LONP2: variants seen among roughly 807,000 people sequenced by gnomAD.
LONP2 encodes the protein lon protease homolog 2, peroxisomal.
In LONP2, 60 loss-of-function variants were observed where a neutral mutation model predicts 85.6. That is an observed-to-expected ratio of 0.70 (90% confidence interval 0.57 to 0.87). The LOEUF is 0.87. Ranked by LOEUF, LONP2 falls within the 40% of genes least tolerant of loss-of-function variation. LONP2 has a pLI of 0.00. For synonymous variants in LONP2, 395 were observed against 389.7 expected (o/e 1.01, Z -0.16); for missense variants, 860 against 1,063.5 (o/e 0.81, Z 2.66).
chr16:48,336,309 T>C (rs1225443220), intron 12 of LONP2: 7 of 455,412 alleles, frequency 1.5e-5, no homozygotes, highest in African/African-American at 1.4e-4. Flanking sequence ...TTATTTTCCT[T>C]GTAGCATGTG....
chr16:48,336,326 A>G (rs929007145), intron 12 of LONP2: 6 of 456,124 alleles, frequency 1.3e-5, no homozygotes, highest in Non-Finnish European at 2.2e-5. Context: ...TGTGAGCTTT[A>G]ACATAGTAAC....
In LONP2 at chr16:48,270,161, T is replaced by C. The variant is rs759185053; in HGVS notation, c.1128T>C (p.Pro376=). 5.9e-5 allele frequency: 95 copies of C among 1,613,882 alleles called. No individual in the cohort carries two copies. The Middle Eastern group carries it at 8.2e-4, about 14-fold the overall frequency. Residue 376 remains proline, a synonymous_variant, in exon 7 of 15, where the codon CCT becomes CCC. Coordinates refer to ENST00000285737, the MANE Select transcript of LONP2 (RefSeq NM_031490.5). ...LKGPILCFVG[P]PGVGKTSVGR... ...GCCCAATCCTATGCTTTGTTGGCCCTCCTGGAGTTGGTAAAACAAGTGTGG... is the reference window on the plus strand; with the variant it reads ...GCCCAATCCTATGCTTTGTTGGCCCCCCTGGAGTTGGTAAAACAAGTGTGG...
intron 11 of LONP2, among the ~76,000 whole-genome samples, chr16:48,323,009 ATGT>A (rs1435765711): frequency 6.6e-6 from 1 of 152,156 alleles, no homozygotes; most frequent in Non-Finnish European, 1.5e-5. Flanking sequence ...TTTGACCAAA[ATGT>A]TGTTATGCAG....
downstream of LONP2, among the ~76,000 whole-genome samples, chr16:48,359,786 A>C (rs563773790): frequency 5.9e-5 from 9 of 152,316 alleles, no homozygotes; most frequent in African/African-American, 2.2e-4. Flanking sequence ...GAGACTACAC[A>C]ATCATCTTTT....
chr16:48,334,515 A>G (rs1959578653), intron 12 of LONP2, 157 bp downstream of exon 12: 1 of 877,958 alleles, frequency 1.1e-6, no homozygotes, highest in Non-Finnish European at 1.9e-6. Context: ...GTGTGGCCGC[A>G]CTTCTTGCAG....
chr16:48,312,706 T>A (rs1040596491), intron 11 of LONP2, among the ~76,000 whole-genome samples: 2 of 152,184 alleles, frequency 1.3e-5, no homozygotes, highest in African/African-American at 2.4e-5. Flanking sequence ...CTTGCTTTCT[T>A]CCAAGGCACT....
At chr16:48,332,264 C>T (rs1163789456) in intron 11 of LONP2, among the ~76,000 whole-genome samples, 4 of 152,110 alleles carry the variant, frequency 2.6e-5, no homozygotes, top group African/African-American at 9.7e-5. Flanking sequence ...AGAACCATAG[C>T]GAAACTAAAA....
At chr16:48,345,728 T>C (rs1398225224) in intron 12 of LONP2, 1 of 152,208 alleles carries the variant, frequency 6.6e-6, no homozygotes, top group African/African-American at 2.4e-5. Context: ...GATTAATTTT[T>C]TTTAATGTAT....
chr16:48,257,588 T>C (rs969514650), intron 3 of LONP2, among the ~76,000 whole-genome samples: 2 of 148,588 alleles, frequency 1.3e-5, no homozygotes, highest in Non-Finnish European at 2.9e-5. Flanking sequence ...ATACTTTAAG[T>C]TTTCTTGCAC....
In LONP2 at chr16:48,258,663, C is replaced by A. The variant is rs778480822; in HGVS notation, c.646C>A (p.Pro216Thr). The change falls in exon 4 of 15, where the codon CCA (proline) becomes ACA (threonine). Residue 216 changes from proline to threonine, a missense_variant. Pro to Thr is a conservative substitution (Grantham distance 38). Around this residue, in one of 3 missense-constraint regions of LONP2, gnomAD observed 743 missense variants for 917.3 expected, o/e 0.81. Coordinates refer to ENST00000285737, the MANE Select transcript of LONP2 (RefSeq NM_031490.5). ...SLEERFKMTI[P>T]LLVRQIEGLK... is the part of the protein sequence containing the mutation. ...AGAGGAGCGGTTCAAGATGACTATA[C>A]CACTGCTTGTCAGACAAATTGAAGG... The A allele has an allele frequency of 6.2e-7, 1 of 1,610,984 alleles. No individual in the cohort carries two copies. The highest frequency in any genetic ancestry group is 8.5e-7 in the Non-Finnish European group (1 of 1,178,704).
rs868513309 is a variant in LONP2 at position 48,355,489 on chromosome 16, T to G, written c.*3687T>G. The G allele has an allele frequency of 2.0e-5, 3 of 152,128 alleles. No individual in the cohort carries two copies. The highest frequency in any genetic ancestry group is 6.6e-5 in the Admixed American group (1 of 15,262). The allele number at this position is 152,128 out of a possible 1,614,324, so 9.4% of individuals were successfully genotyped here. ...GTCTTCACAACTATGAGAAATAAAT[T>G]CGTACTTTTAAATTACCCAGTCTCA... is the stretch of plus-strand genomic sequence containing the variant. On this transcript the variant is annotated 3_prime_UTR_variant, in exon 15 of 15. Coordinates refer to ENST00000285737, the MANE Select transcript of LONP2 (RefSeq NM_031490.5).
At chr16:48,319,235 G>T (rs1373377050) in intron 11 of LONP2, among the ~76,000 whole-genome samples, 1 of 152,044 alleles carries the variant, frequency 6.6e-6, no homozygotes, top group African/African-American at 2.4e-5. Context: ...GAAAAAATTA[G>T]TTGGGCATGG....
chr16:48,337,857 A>G (rs1959700577), intron 12 of LONP2, among the ~76,000 whole-genome samples: 2 of 152,214 alleles, frequency 1.3e-5, no homozygotes, highest in African/African-American at 4.8e-5. Context: ...TCTGTCACCT[A>G]GGCTGGATTG....
intron 8 of LONP2, among the ~76,000 whole-genome samples, chr16:48,292,788 A>G (rs966028122): frequency 2.0e-5 from 3 of 152,226 alleles, no homozygotes; most frequent in African/African-American, 7.2e-5. Context: ...TTTTCTGTCC[A>G]TAAATATTAT....
intron 11 of LONP2, among the ~76,000 whole-genome samples, chr16:48,320,074 C>T (rs1044753799): frequency 6.7e-6 from 1 of 149,948 alleles, no homozygotes. Context: ...GCAGGAGAAT[C>T]GCTTGAACTT....
chr16:48,298,142 C>T (rs1375161111), intron 9 of LONP2, among the ~76,000 whole-genome samples: 1 of 152,152 alleles, frequency 6.6e-6, no homozygotes, highest in African/African-American at 2.4e-5. Flanking sequence ...GTGAAAGAAT[C>T]AGGACAGCTG....
chr16:48,248,204 C>G (rs1971511046), intron 1 of LONP2, among the ~76,000 whole-genome samples: 1 of 151,996 alleles, frequency 6.6e-6, no homozygotes. Flanking sequence ...TCACTGCAAC[C>G]TTTGCCTCCC....
intron 7 of LONP2, among the ~76,000 whole-genome samples, chr16:48,273,124 G>A (rs1449867296): frequency 2.0e-5 from 3 of 152,116 alleles, no homozygotes; most frequent in Non-Finnish European, 4.4e-5. Context: ...CCTTTGAGTA[G>A]GCACCACTGT....
intron 6 of LONP2, among the ~76,000 whole-genome samples, chr16:48,267,243 C>T (rs1306147148): frequency 1.3e-5 from 2 of 152,160 alleles, no homozygotes; most frequent in East Asian, 1.9e-4. Context: ...TAAACCATTA[C>T]TACACAGGAT....
Sources: allele counts gnomAD v4.1 joint callset (sites outside exome capture counted in the v4.1 genomes callset), GRCh38; gene constraint gnomAD v4.1.1; regional missense constraint gnomAD v4.1.1; transcripts MANE v1.5; gene names NCBI Gene and HGNC (gene_info 2026-07-23, HGNC 2026-07-21).